Variants in LDB3 observed in about 807,000 individuals in gnomAD.
The protein encoded by LDB3 is LIM domain-binding protein 3.
A neutral mutation model predicts 69.0 loss-of-function variants in LDB3; 49 were observed. The observed-to-expected ratio is 0.71, with a 90% CI of 0.56 to 0.90. The LOEUF (loss-of-function observed/expected upper bound fraction) is 0.90, where lower values mean the gene tolerates loss of function less well. Ranked by LOEUF, LDB3 falls within the 40% of genes least tolerant of loss-of-function variation. LDB3 has a pLI of 0.00. For missense variants in LDB3, 928 were observed against 974.1 expected (o/e 0.95, Z 0.63); for synonymous variants, 387 against 396.2 (o/e 0.98, Z 0.28).
At chr10:86,700,139 T>A in intron 7 of LDB3, 1 of 852,226 alleles carries the variant, frequency 1.2e-6, no homozygotes, top group Non-Finnish European at 1.4e-6. Flanking sequence ...ACAGGCACCA[T>A]CAGAAGAGGA....
At chr10:86,723,883 A>G (rs1356264296) in intron 12 of LDB3, among the ~76,000 whole-genome samples, 3 of 152,246 alleles carry the variant, frequency 2.0e-5, no homozygotes, top group African/African-American at 7.2e-5. Flanking sequence ...TCAAAGCTCA[A>G]TGCCATGCTG....
chr10:86,716,477 A>T lies in LDB3; in HGVS notation c.1382A>T (p.Tyr461Phe). Residue 461 changes from tyrosine (Y) to phenylalanine (F), a missense_variant, in exon 10 of 14, where the codon TAT becomes TTT. By Grantham distance (22) the Tyr-to-Phe change is conservative. Transcript: ENST00000361373. ...TACACTCCATCCCCAGCACCAGCCT[A>T]TACCCCCTCACCTGCCCCCAACTAT... The part of the protein sequence containing the change: ...PTYTPSPAPA[Y>F]TPSPAPNYNP... 6.5e-7 allele frequency: 1 copy of T among 1,541,858 alleles called. No homozygotes were observed. The highest frequency in any genetic ancestry group is 8.8e-7 in the Non-Finnish European group (1 of 1,137,916).
chr10:86,704,101 G>A (rs192846488), intron 7 of LDB3, among the ~76,000 whole-genome samples: 3 of 151,594 alleles, frequency 2.0e-5, no homozygotes, highest in Admixed American at 6.6e-5. Context: ...GCAACAGAGC[G>A]GGACTCCGTC....
In LDB3 at chr10:86,735,052, TACACACACACACACACACACACAC is replaced by T. The variant is rs56209295; in HGVS notation, c.*2101_*2124del. On this transcript the variant is annotated 3_prime_UTR_variant, in exon 14 of 14. Transcript: ENST00000361373. ...TTCCAAAATCTCTTTTTAAAGGGTT[TACACACACACACACACACACACAC>T]ACACACACACACACACACACACACG... 1.6e-4 allele frequency: 18 copies of T among 112,392 alleles called. No homozygotes were observed. The highest frequency in any genetic ancestry group is 6.3e-4 in the African/African-American group (17 of 27,164). The allele number at this position is 112,392 out of a possible 1,614,324, so 7.0% of individuals were successfully genotyped here.
At chr10:86,683,038 A>T (rs907060487) in intron 5 of LDB3, among the ~76,000 whole-genome samples, 2 of 151,538 alleles carry the variant, frequency 1.3e-5, no homozygotes, top group Admixed American at 6.6e-5. Context: ...ATATGCCCCC[A>T]GGGTTCCCCA....
chr10:86,731,111 C>T (rs111482651), intron 13 of LDB3, among the ~76,000 whole-genome samples: 2,390 of 147,734 alleles, frequency 0.016, 70 homozygotes, highest in African/African-American at 0.057. Context: ...GCTGAGATCG[C>T]GCCACTGCAC....
rs1289794941 is a variant in LDB3, at chr10:86,680,095, A to T, written c.259A>T (p.Ile87Phe). ...TGGTTTCTACAGATCAAAGCGTCCC[A>T]TTCCCATCTCCACGACAGCACCTCC... ...SLTLQKSKRP[I>F]PISTTAPPVQ... Residue 87 changes from isoleucine (I) to phenylalanine (F), a missense_variant, in exon 4 of 14, where the codon ATT (isoleucine) becomes TTT (phenylalanine). Transcript: ENST00000361373. 1 of 1,614,156 alleles carries T rather than the reference A, an allele frequency of 6.2e-7. No individual in the cohort carries two copies. The highest frequency in any genetic ancestry group is 8.5e-7 in the Non-Finnish European group (1 of 1,179,984).
intron 5 of LDB3, among the ~76,000 whole-genome samples, chr10:86,689,550 G>T (rs1275749926): frequency 6.6e-6 from 1 of 152,222 alleles, no homozygotes; most frequent in Non-Finnish European, 1.5e-5. Flanking sequence ...GTGCATACCT[G>T]TGTTCTTCTT....
intron 9 of LDB3, among the ~76,000 whole-genome samples, chr10:86,715,601 C>A (rs1846839531): frequency 6.6e-6 from 1 of 152,170 alleles, no homozygotes; most frequent in Admixed American, 6.5e-5. Context: ...TCAGCTTCCA[C>A]CAAAGCGATG....
At chr10:86,690,325 G>A (rs1486741147) in intron 5 of LDB3, among the ~76,000 whole-genome samples, 2 of 152,180 alleles carry the variant, frequency 1.3e-5, no homozygotes, top group East Asian at 3.9e-4. Context: ...AGGAACGCCT[G>A]GGACTCCTCC....
intron 9 of LDB3, among the ~76,000 whole-genome samples, chr10:86,710,822 G>A (rs960522850): frequency 6.6e-6 from 1 of 152,224 alleles, no homozygotes; most frequent in Non-Finnish European, 1.5e-5. Context: ...CGGTCGAAGC[G>A]GCTTTTGCCC....
chr10:86,696,174 C>T (rs931744467), intron 7 of LDB3, among the ~76,000 whole-genome samples: 2 of 152,160 alleles, frequency 1.3e-5, no homozygotes, highest in African/African-American at 4.8e-5. Context: ...TCTCAGATGC[C>T]CCCTTCCCTC....
Position 86,670,894 on chromosome 10 carries a change from C to T in LDB3, c.93+2110C>T, listed in dbSNP as rs141717473. On this transcript the variant is annotated intron_variant, in intron 2 of 13. Coordinates refer to ENST00000361373, the MANE Select transcript of LDB3 (RefSeq NM_007078.3). ...GGTGGTAGGCTGCTGATAGCCTGGG[C>T]TTGTGTCCTGGTTCAGTGCCGCTGG... Among the ~76,000 whole-genome samples, 36 of 152,354 alleles carry T rather than the reference C, an allele frequency of 2.4e-4. 1 individual carries two copies. The East Asian group carries it at 7.0e-3, about 29-fold the overall frequency.
At position 86,699,752 on chromosome 10, in the gene LDB3, G is replaced by C; in HGVS notation, c.897-6779G>C. ...GCTGCTCAGTTTCCCACCATCCTCA[G>C]CTCCTGGCCTCATCCCCTCCTAGAA... On this transcript the variant is annotated intron_variant, in intron 7 of 13. Coordinates refer to ENST00000361373, the MANE Select transcript of LDB3 (RefSeq NM_007078.3). This position sits in a 1 kb window ranked among gnomAD's most constrained non-coding sequence, Gnocchi z 4.9. The C allele has an allele frequency of 6.3e-6, 7 of 1,106,368 alleles. No individual in the cohort carries two copies. The highest frequency in any genetic ancestry group is 7.8e-6 in the Non-Finnish European group (7 of 900,488). The allele number at this position is 1,106,368 out of a possible 1,614,324, so 68.5% of individuals were successfully genotyped here. A position where few individuals can be genotyped will look rare whatever the true frequency, so the allele number is the denominator to read the frequency against.
At chr10:86,726,588 G>A in intron 13 of LDB3, 1 of 393,386 alleles carries the variant, frequency 2.5e-6, no homozygotes, top group Non-Finnish European at 4.8e-6. Context: ...GGGGCAGTTG[G>A]CTTCCCATGG....
chr10:86,688,647 A>C (rs1845616640), intron 5 of LDB3, among the ~76,000 whole-genome samples: 3 of 152,210 alleles, frequency 2.0e-5, no homozygotes, highest in Admixed American at 6.5e-5. Context: ...GCATTAGCTC[A>C]TGCGTACCCA....
intron 7 of LDB3, among the ~76,000 whole-genome samples, chr10:86,693,692 G>GT (rs1225835095): frequency 1.3e-5 from 2 of 152,200 alleles, no homozygotes; most frequent in African/African-American, 4.8e-5. Flanking sequence ...CATCTAGAGA[G>GT]TCCGCGATGA....
chr10:86,696,005 A>G (rs1357806946), intron 7 of LDB3, among the ~76,000 whole-genome samples: 1 of 152,250 alleles, frequency 6.6e-6, no homozygotes, highest in Non-Finnish European at 1.5e-5. Context: ...AGCTGATCTT[A>G]GTGAAGAGTC....
chr10:86,697,264 A>G (rs984842283), intron 7 of LDB3, among the ~76,000 whole-genome samples: 2 of 133,612 alleles, frequency 1.5e-5, no homozygotes, highest in African/African-American at 6.0e-5. Context: ...CTCTGTCTCC[A>G]AGGCTGGAGT....
Sources: gnomAD v4.1 joint callset for allele counts (sites outside exome capture counted in the v4.1 genomes callset) on GRCh38, gnomAD v4.1.1 for gene constraint, Gnocchi (gnomAD v3.1) non-coding constraint, MANE v1.5 for transcripts, NCBI Gene and HGNC (gene_info 2026-07-23, HGNC 2026-07-21) for gene names.